Variants in ADCY3 observed in about 807,000 individuals in gnomAD.
ADCY3 encodes the protein adenylate cyclase 3, also known as adenylate cyclase type 3.
ADCY3 carries 70 observed loss-of-function variants against 119.4 expected under a neutral mutation model. The observed-to-expected ratio is 0.59, with a 90% CI of 0.48 to 0.72. ADCY3 has a LOEUF of 0.72. ADCY3 is among the 30% of genes least tolerant of loss of function. ADCY3 has a pLI of 0.00. For missense variants in ADCY3, 1,238 were observed against 1,541.6 expected (o/e 0.80, Z 3.30); for synonymous variants, 672 against 621.4 (o/e 1.08, Z -1.21).
At chr2:24,846,621 C>G (rs1471200225) in intron 3 of ADCY3, among the ~76,000 whole-genome samples, 1 of 151,854 alleles carries the variant, frequency 6.6e-6, no homozygotes, top group Non-Finnish European at 1.5e-5. Context: ...TCTTGTCCCC[C>G]AGGCTGGAAT....
intron 2 of ADCY3, among the ~76,000 whole-genome samples, chr2:24,880,394 A>C (rs989227889): frequency 2.6e-5 from 4 of 151,968 alleles, no homozygotes; most frequent in Non-Finnish European, 4.4e-5. Context: ...GTTGCTCCTC[A>C]ACAGGCTCCC....
chr2:24,821,302 G>C, intron 20 of ADCY3: 1 of 619,704 alleles, frequency 1.6e-6, no homozygotes, highest in Non-Finnish European at 2.7e-6. Context: ...AGTAGGCACA[G>C]TATAGTCGGA....
chr2:24,896,701 T>C (rs1416160299), intron 2 of ADCY3, among the ~76,000 whole-genome samples: 1 of 152,158 alleles, frequency 6.6e-6, no homozygotes, highest in East Asian at 1.9e-4. Context: ...AGCAGATTGA[T>C]ATTCACCGAG....
rs142510036 is a variant in ADCY3, at chr2:24,819,977, A to G, written c.3390T>C (p.Asn1130=). The change falls in exon 22 of 22, where the codon AAT becomes AAC. Residue 1130 remains asparagine, a synonymous_variant. Coordinates refer to ENST00000679454, the MANE Select transcript of ADCY3 (RefSeq NM_004036.5). The stretch of plus-strand genomic sequence containing the variant: ...GGTGGGGCAGTGTGACAGAGGGGCC[A>G]TTGGGGAAGGTGGCTAGCTTATCCC... ...KGRDKLATFP[N]GPSVTLPHQV... is the part of the protein sequence containing the mutation. 1.7e-4 allele frequency: 275 copies of G among 1,613,724 alleles called. 1 individual carries two copies. The African/African-American group carries it at 3.0e-3, about 18-fold the overall frequency.
At position 24,830,712 on chromosome 2, in the gene ADCY3, G is replaced by T. The variant is rs1042812959; in HGVS notation, c.2169C>A (p.Asp723Glu). ...IFILVMANVV[D>E]MLSCLQYYTG... Reference sequence around the variant, plus strand: ...AACAAGGACAGCAGGAGCTCACCATGTCCACGACATTTGCCATCACCAGGA... The same window carrying T: ...AACAAGGACAGCAGGAGCTCACCATTTCCACGACATTTGCCATCACCAGGA... The change falls in exon 13 of 22, where the codon GAC becomes GAA. Residue 723 changes from aspartate (D) to glutamate (E), a missense_variant. This residue lies in a region of ADCY3 where 499 missense variants were observed against 571.0 expected (regional missense o/e 0.87). Coordinates refer to ENST00000679454, the MANE Select transcript of ADCY3 (RefSeq NM_004036.5). The T allele has an allele frequency of 6.2e-6, 10 of 1,613,476 alleles. No homozygotes were observed. The highest frequency in any genetic ancestry group is 8.5e-6 in the Non-Finnish European group (10 of 1,179,552).
intron 2 of ADCY3, among the ~76,000 whole-genome samples, chr2:24,900,507 C>G (rs1379541924): frequency 6.6e-6 from 1 of 151,986 alleles, no homozygotes; most frequent in African/African-American, 2.4e-5. Flanking sequence ...GTGTTTGTGT[C>G]CCGCAGCTAG....
At chr2:24,831,051 C>T (rs1669425032) in intron 12 of ADCY3, among the ~76,000 whole-genome samples, 1 of 152,108 alleles carries the variant, frequency 6.6e-6, no homozygotes, top group African/African-American at 2.4e-5. Context: ...ACAGCACAGC[C>T]TCCAGGTCGC....
chr2:24,823,196 G>C lies in ADCY3; in HGVS notation c.2883+13C>G. On this transcript the variant is annotated intron_variant, in intron 18 of 21. Transcript: ENST00000679454. The stretch of plus-strand genomic sequence containing the variant: ...GCTTCATGGCCAGAGTGCAGGGTGG[G>C]ATGGGCACTCACAGAGTCAAAATCT... 6.2e-7 allele frequency: 1 copy of C among 1,610,886 alleles called. No individual in the cohort carries two copies. The highest frequency in any genetic ancestry group is 8.5e-7 in the Non-Finnish European group (1 of 1,178,874).
At position 24,819,978 on chromosome 2, in the gene ADCY3, T is replaced by G; in HGVS notation, c.3389A>C (p.Asn1130Thr). ...GTGGGGCAGTGTGACAGAGGGGCCA[T>G]TGGGGAAGGTGGCTAGCTTATCCCG... is the stretch of plus-strand genomic sequence containing the variant. ...KGRDKLATFP[N>T]GPSVTLPHQV... Residue 1130 changes from asparagine to threonine, a missense_variant, in exon 22 of 22, where the codon AAT (asparagine) becomes ACT (threonine). By Grantham distance (65) the Asn-to-Thr change is moderately conservative. Around this residue, in one of 7 missense-constraint regions of ADCY3, gnomAD observed 86 missense variants for 70.7 expected, o/e 1.22. Coordinates refer to ENST00000679454, the MANE Select transcript of ADCY3 (RefSeq NM_004036.5). The G allele has an allele frequency of 1.2e-6, 2 of 1,613,746 alleles. No homozygotes were observed. Among genetic ancestry groups the G allele is most frequent in the Non-Finnish European group, 1.7e-6 (2 of 1,179,848 alleles).
intron 14 of ADCY3, 71 bp from the exon 15 acceptor site, chr2:24,827,679 G>A: frequency 1.3e-6 from 2 of 1,503,476 alleles, no homozygotes; most frequent in Non-Finnish European, 9.1e-7. Flanking sequence ...CAGGCACCGG[G>A]GTATCCCAAG....
In ADCY3 at chr2:24,870,157, T is replaced by TATA. The variant is rs1553351907; in HGVS notation, c.825+2412_825+2413insTAT. On this transcript the variant is annotated intron_variant, in intron 3 of 21. Coordinates refer to ENST00000679454, the MANE Select transcript of ADCY3 (RefSeq NM_004036.5). ...TGAAACCCCGTCTCCACTAAAAATA[T>TATA]AAAAAAAAAAAAAATTAGCCAGGTG... 4.3e-4 allele frequency among the ~76,000 whole-genome samples: 60 copies of TATA among 141,016 alleles called. 2 individuals carry two copies. In the South Asian group the frequency reaches 0.014, roughly 32 times the overall value. 92.5% of individuals were successfully genotyped at this position (141,016 alleles called of 152,430 possible).
At chr2:24,829,412 A>ATTTTT (rs67246369) in intron 13 of ADCY3, among the ~76,000 whole-genome samples, 17 of 63,790 alleles carry the variant, frequency 2.7e-4, no homozygotes, top group African/African-American at 8.3e-4. Flanking sequence ...GTGTGCTCCA[A>ATTTTT]TTTTTTTTTT....
chr2:24,839,971 G>A lies in ADCY3; in HGVS notation c.1257C>T (p.Thr419=), dbSNP rs144737666. 59 of 1,613,694 alleles carry A rather than the reference G, an allele frequency of 3.7e-5. No homozygotes were observed. The highest frequency in any genetic ancestry group is 4.6e-5 in the Non-Finnish European group (54 of 1,180,016). The change falls in exon 7 of 22, where the codon ACC becomes ACT. Residue 419 remains threonine (T), a synonymous_variant. Transcript: ENST00000679454. ...TCTGGCCCAGGACGCCCCCCAGCAC[G>A]GTGCCCGTGTGCACCCCCACACGCA... The part of the protein sequence containing the change: ...VDMRVGVHTG[T]VLGGVLGQKR...
chr2:24,853,629 C>T (rs1028381212), intron 3 of ADCY3, among the ~76,000 whole-genome samples: 1 of 151,982 alleles, frequency 6.6e-6, no homozygotes. Context: ...ACCATCATGC[C>T]TGGCTAATTT....
intron 2 of ADCY3, among the ~76,000 whole-genome samples, chr2:24,887,994 G>T (rs1444333380): frequency 1.3e-5 from 2 of 152,110 alleles, no homozygotes; most frequent in African/African-American, 4.8e-5. Flanking sequence ...GTGAGTCAAG[G>T]TCATTTTCAT....
At chr2:24,875,990 A>T (rs6722022) in intron 2 of ADCY3, among the ~76,000 whole-genome samples, 1 of 150,390 alleles carries the variant, frequency 6.6e-6, no homozygotes, top group Non-Finnish European at 1.5e-5. Flanking sequence ...TCTTTTTGGG[A>T]GGGGGGCGGT....
rs780381810 is a variant in ADCY3, at chr2:24,830,074, G to GCTGT, written c.2172+631_2172+634dup. On this transcript the variant is annotated intron_variant, in intron 13 of 21. Coordinates refer to ENST00000679454, the MANE Select transcript of ADCY3 (RefSeq NM_004036.5). ...TTTTTTTTTTTTGAGACGGAGTCTT[G>GCTGT]CTGTCGCCTAGGCTGGAGTGCAGCG... 9.3e-4 allele frequency among the ~76,000 whole-genome samples: 14 copies of GCTGT among 15,072 alleles called. No homozygotes were observed. In the East Asian group the frequency reaches 0.12, roughly 135 times the overall value. The allele number at this position is 15,072 out of a possible 152,430, so 9.9% of individuals were successfully genotyped here.
Position 24,819,910 on chromosome 2 carries a change from A to G in ADCY3, c.*22T>C. ...AAATAAATTCTCCCTTCCGGTTTGG[A>G]CTGTTGCAGGCTCGAGGCCATTCAG... is the stretch of plus-strand genomic sequence containing the variant. On this transcript the variant is annotated 3_prime_UTR_variant, in exon 22 of 22. Coordinates refer to ENST00000679454, the MANE Select transcript of ADCY3 (RefSeq NM_004036.5). 4 of 1,609,672 alleles carry G rather than the reference A, an allele frequency of 2.5e-6. No homozygotes were observed. The highest frequency in any genetic ancestry group is 3.4e-6 in the Non-Finnish European group (4 of 1,178,482).
At chr2:24,828,833 T>G (rs929841768) in intron 13 of ADCY3, among the ~76,000 whole-genome samples, 1 of 152,180 alleles carries the variant, frequency 6.6e-6, no homozygotes, top group African/African-American at 2.4e-5. Context: ...CATCTCCAGG[T>G]GTCCTGTACA....
Sources: allele counts gnomAD v4.1 joint callset (sites outside exome capture counted in the v4.1 genomes callset), GRCh38; gene constraint gnomAD v4.1.1; regional missense constraint gnomAD v4.1.1; transcripts MANE v1.5; gene names NCBI Gene and HGNC (gene_info 2026-07-23, HGNC 2026-07-21).